The following CPQ variants were observed in gnomAD, a reference collection of about 807,000 sequenced individuals.
CPQ encodes Ser-Met dipeptidase.
A neutral mutation model predicts 45.7 loss-of-function variants in CPQ; 37 were observed. The observed-to-expected ratio is 0.81, with a 90% CI of 0.62 to 1.07. The LOEUF is 1.07. Ranked by LOEUF, CPQ falls within the 50% of genes least tolerant of loss-of-function variation. The pLI is 0.00. For missense variants in CPQ, 537 were observed against 572.9 expected (o/e 0.94, Z 0.64); for synonymous variants, 186 against 205.8 (o/e 0.90, Z 0.82).
chr8:96,745,016 A>C (rs1212364571), intron 1 of CPQ, among the ~76,000 whole-genome samples: 2 of 152,178 alleles, frequency 1.3e-5, no homozygotes, highest in Non-Finnish European at 2.9e-5. Context: ...GGCAGTGTAA[A>C]AGGATACAGG....
chr8:97,101,707 G>C (rs1230836925), intron 7 of CPQ, among the ~76,000 whole-genome samples: 1 of 151,588 alleles, frequency 6.6e-6, no homozygotes. Context: ...AGGCAAAATG[G>C]AACCTACTTA....
chr8:97,013,106 C>T (rs190523037), intron 5 of CPQ, among the ~76,000 whole-genome samples: 1 of 152,022 alleles, frequency 6.6e-6, no homozygotes, highest in African/African-American at 2.4e-5. Flanking sequence ...CCAAGACCAG[C>T]CTTATTTCCA....
At chr8:96,719,209 T>C (rs1809728643) in intron 1 of CPQ, among the ~76,000 whole-genome samples, 1 of 152,204 alleles carries the variant, frequency 6.6e-6, no homozygotes, top group Non-Finnish European at 1.5e-5. Context: ...CATGGCGGGC[T>C]GCAGGTCCCG....
At chr8:96,996,872 G>C (rs756979748) in intron 5 of CPQ, among the ~76,000 whole-genome samples, 13 of 151,908 alleles carry the variant, frequency 8.6e-5, no homozygotes, top group Non-Finnish European at 1.6e-4. Context: ...ATTGACTAGA[G>C]CAAAGCAGTT....
chr8:97,123,641 T>C (rs1476077671), intron 7 of CPQ, among the ~76,000 whole-genome samples: 3 of 151,986 alleles, frequency 2.0e-5, no homozygotes, highest in Non-Finnish European at 4.4e-5. Flanking sequence ...AAAATCAAGA[T>C]GATATAATAC....
At chr8:96,685,073 C>T (rs993651779) in intron 1 of CPQ, among the ~76,000 whole-genome samples, 5 of 151,318 alleles carry the variant, frequency 3.3e-5, no homozygotes, top group African/African-American at 9.7e-5. Flanking sequence ...CACTGCATTC[C>T]AGCCTGGGGT....
At chr8:96,955,406 G>C (rs1036396436) in intron 4 of CPQ, among the ~76,000 whole-genome samples, 1 of 152,154 alleles carries the variant, frequency 6.6e-6, no homozygotes, top group African/African-American at 2.4e-5. Context: ...CCTTTGAGAA[G>C]TGTCTGTTCA....
At chr8:97,032,038 A>G (rs926612958) in intron 6 of CPQ, among the ~76,000 whole-genome samples, 42 of 152,220 alleles carry the variant, frequency 2.8e-4, no homozygotes, top group African/African-American at 1.0e-3. Flanking sequence ...GTCACAAACC[A>G]CAAGGGTAAA....
intron 1 of CPQ, among the ~76,000 whole-genome samples, chr8:96,650,220 C>T (rs1263585939): frequency 4.6e-5 from 7 of 152,096 alleles, no homozygotes; most frequent in Admixed American, 3.3e-4. Context: ...AGACTTTGAA[C>T]TAAGCAAAGA....
At chr8:97,007,451 A>C (rs1809402793) in intron 5 of CPQ, among the ~76,000 whole-genome samples, 1 of 152,192 alleles carries the variant, frequency 6.6e-6, no homozygotes, top group Non-Finnish European at 1.5e-5. Flanking sequence ...AGTTTCTATA[A>C]AGTGTCTGTT....
chr8:96,966,839 C>T (rs1462027798), intron 5 of CPQ, among the ~76,000 whole-genome samples: 1 of 152,226 alleles, frequency 6.6e-6, no homozygotes, highest in Admixed American at 6.5e-5. Context: ...TGACCACCTA[C>T]TTTGCTTTTT....
At chr8:96,970,625 G>A (rs1306060178) in intron 5 of CPQ, among the ~76,000 whole-genome samples, 1 of 151,022 alleles carries the variant, frequency 6.6e-6, no homozygotes, top group Non-Finnish European at 1.5e-5. Context: ...GTGCAGTGGT[G>A]CGATCTCGGC....
chr8:96,836,351 A>T (rs1462675224), intron 3 of CPQ, among the ~76,000 whole-genome samples: 2 of 152,154 alleles, frequency 1.3e-5, no homozygotes. Context: ...GGAAAGAGAC[A>T]TTTTCCTTAT....
chr8:97,088,502 A>G (rs973751999), intron 7 of CPQ, among the ~76,000 whole-genome samples: 20 of 152,242 alleles, frequency 1.3e-4, no homozygotes, highest in Admixed American at 8.5e-4. Context: ...CTAGAATGGC[A>G]TTTTAAAAAC....
chr8:96,926,576 CTCT>C (rs60745622), intron 4 of CPQ, among the ~76,000 whole-genome samples: 12,458 of 74,752 alleles, frequency 0.17, 1,033 homozygotes, highest in East Asian at 0.24. Context: ...CTTCCTCTTC[CTCT>C]TCTTCTTCTT....
intron 7 of CPQ, among the ~76,000 whole-genome samples, chr8:97,136,874 T>C (rs1266276174): frequency 1.3e-5 from 2 of 152,296 alleles, no homozygotes; most frequent in Non-Finnish European, 2.9e-5. Flanking sequence ...TCCCTGGGGA[T>C]AGTTAACATT....
At chr8:97,030,285 A>G (rs1809878648) in intron 6 of CPQ, among the ~76,000 whole-genome samples, 1 of 152,158 alleles carries the variant, frequency 6.6e-6, no homozygotes, top group Admixed American at 6.5e-5. Flanking sequence ...GAATGTCCAG[A>G]TGAGAAGAAG....
chr8:96,973,252 C>A (rs1224238581), intron 5 of CPQ, among the ~76,000 whole-genome samples: 2 of 151,668 alleles, frequency 1.3e-5, no homozygotes, highest in Admixed American at 1.3e-4. Context: ...TGGAATGGAA[C>A]AAGCAGAAGA....
intron 1 of CPQ, among the ~76,000 whole-genome samples, chr8:96,667,295 T>G: frequency 6.6e-6 from 1 of 152,088 alleles, no homozygotes; most frequent in Non-Finnish European, 1.5e-5. Flanking sequence ...GTTCAGATGA[T>G]GGTGATTTTT....
Sources: gnomAD v4.1 joint callset for allele counts (sites outside exome capture counted in the v4.1 genomes callset) on GRCh38, gnomAD v4.1.1 for gene constraint, MANE v1.5 for transcripts, NCBI Gene and HGNC (gene_info 2026-07-23, HGNC 2026-07-21) for gene names.